TMTC1: variants seen among roughly 807,000 people sequenced by gnomAD.
TMTC1 encodes the protein protein O-mannosyl-transferase TMTC1.
In TMTC1, 73 loss-of-function variants were observed where a neutral mutation model predicts 104.8. That is an observed-to-expected ratio of 0.70 (90% CI 0.58 to 0.85). TMTC1 has a LOEUF of 0.85. Ranked by LOEUF, TMTC1 falls within the 40% of genes least tolerant of loss-of-function variation. TMTC1 has a pLI of 0.00. For missense variants in TMTC1, 1,035 were observed against 1,096.1 expected (o/e 0.94, Z 0.79); for synonymous variants, 434 against 428.7 (o/e 1.01, Z -0.15).
chr12:29,667,902 G>A (rs1940345521), intron 5 of TMTC1, among the ~76,000 whole-genome samples: 1 of 152,170 alleles, frequency 6.6e-6, no homozygotes, highest in Non-Finnish European at 1.5e-5. Context: ...TACTAGCCCT[G>A]TGAGTCCATA....
At chr12:29,546,856 T>C (rs1466684746) in intron 10 of TMTC1, among the ~76,000 whole-genome samples, 1 of 152,074 alleles carries the variant, frequency 6.6e-6, no homozygotes, top group East Asian at 1.9e-4. Context: ...CACCTGTGAA[T>C]AGCCACTGAA....
chr12:29,751,685 C>T lies in TMTC1; in HGVS notation c.919G>A (p.Ala307Thr), dbSNP rs1319587459. 1 of 1,614,128 alleles carries T rather than the reference C, an allele frequency of 6.2e-7. No individual in the cohort carries two copies. Among genetic ancestry groups the T allele is most frequent in the Non-Finnish European group, 8.5e-7 (1 of 1,180,030 alleles). Residue 307 changes from alanine to threonine, a missense_variant, in exon 5 of 18, where the codon GCT (alanine) becomes ACT (threonine). By Grantham distance (58) the Ala-to-Thr change is moderately conservative. Transcript: ENST00000539277. ...KSSGFPVSPR[A>T]VWSMMRFLTY... ...CAGTACCTCATCATGGACCACACAG[C>T]TCGTGGGGACACTGGGAATCCACTG...
At chr12:29,764,653 G>A (rs912523402) in intron 2 of TMTC1, among the ~76,000 whole-genome samples, 1 of 152,088 alleles carries the variant, frequency 6.6e-6, no homozygotes, top group African/African-American at 2.4e-5. Flanking sequence ...CATGTAAATT[G>A]TTTTGTAGGC....
chr12:29,540,557 T>A lies in TMTC1; in HGVS notation c.1677-4240A>T, dbSNP rs562151281. 1.1e-4 allele frequency among the ~76,000 whole-genome samples: 16 copies of A among 152,348 alleles called. No individual in the cohort carries two copies. In the South Asian group the frequency reaches 3.3e-3, roughly 32 times the overall value. ...ACTCGCTGAAATGTTATACAATTTA[T>A]CTGTGACCACCAGGTTTTAAGTTCC... On this transcript the variant is annotated intron_variant, in intron 10 of 17. Transcript: ENST00000539277.
intron 10 of TMTC1, among the ~76,000 whole-genome samples, chr12:29,547,539 T>C (rs944475323): frequency 2.0e-5 from 3 of 152,198 alleles, no homozygotes; most frequent in African/African-American, 4.8e-5. Context: ...CCACTGACCA[T>C]GAAATGATAA....
At chr12:29,634,193 GC>G (rs1295839342) in intron 5 of TMTC1, among the ~76,000 whole-genome samples, 1 of 152,074 alleles carries the variant, frequency 6.6e-6, no homozygotes, top group Non-Finnish European at 1.5e-5. Flanking sequence ...GTTACAACAT[GC>G]CCCCAACCTC....
intron 11 of TMTC1, among the ~76,000 whole-genome samples, chr12:29,528,695 G>C (rs1944415422): frequency 6.6e-6 from 1 of 152,094 alleles, no homozygotes; most frequent in Admixed American, 6.6e-5. Context: ...ATGGACATTG[G>C]CTTAATGCAG....
At chr12:29,689,533 T>TC (rs567002285) in intron 5 of TMTC1, among the ~76,000 whole-genome samples, 117 of 152,328 alleles carry the variant, frequency 7.7e-4, no homozygotes, top group African/African-American at 1.6e-3. Context: ...CAGGCTGGTC[T>TC]CGAACTCCCG....
intron 7 of TMTC1, among the ~76,000 whole-genome samples, chr12:29,602,437 C>T (rs1946593354): frequency 6.6e-6 from 1 of 152,188 alleles, no homozygotes; most frequent in Non-Finnish European, 1.5e-5. Flanking sequence ...GCACCTGGCC[C>T]TATAACGGTT....
At chr12:29,662,976 G>C (rs1565749912) in intron 5 of TMTC1, among the ~76,000 whole-genome samples, 1 of 152,324 alleles carries the variant, frequency 6.6e-6, no homozygotes, top group South Asian at 2.1e-4. Context: ...CCAACAGAGA[G>C]CTTGACAAGA....
rs555039568 is a variant in TMTC1, at chr12:29,612,860, G to A, written c.1129-8561C>T. On this transcript the variant is annotated intron_variant, in intron 6 of 17. Transcript: ENST00000539277. Reference sequence around the variant, plus strand: ...TATATCTGAGAGAGCTTGAGGGGTGGATAATAATCACTTTTGACATATGAA... The same window carrying A: ...TATATCTGAGAGAGCTTGAGGGGTGAATAATAATCACTTTTGACATATGAA... Among the ~76,000 whole-genome samples, 14 of 152,304 alleles carry A rather than the reference G, an allele frequency of 9.2e-5. No individual in the cohort carries two copies. The South Asian group carries it at 2.9e-3, about 32-fold the overall frequency.
At chr12:29,674,295 A>G (rs1329663803) in intron 5 of TMTC1, among the ~76,000 whole-genome samples, 1 of 137,086 alleles carries the variant, frequency 7.3e-6, no homozygotes, top group Non-Finnish European at 1.6e-5. Flanking sequence ...ATGAGATGAT[A>G]TATGCAAGTG....
intron 6 of TMTC1, among the ~76,000 whole-genome samples, chr12:29,615,111 A>G (rs1309731005): frequency 6.6e-6 from 1 of 152,352 alleles, no homozygotes; most frequent in African/African-American, 2.4e-5. Flanking sequence ...AACAGGGCCA[A>G]TTTGGCCATT....
At position 29,600,008 on chromosome 12, in the gene TMTC1, A is replaced by ATATATATATATATATT. The variant is rs59108744; in HGVS notation, c.1250+4169_1250+4170insAATATATATATATATA. Among the ~76,000 whole-genome samples the ATATATATATATATATT allele has an allele frequency of 1.6e-3, 193 of 118,648 alleles. 1 individual carries two copies. The highest frequency in any genetic ancestry group is 6.8e-3 in the African/African-American group (177 of 26,096). The allele number at this position is 118,648 out of a possible 152,430, so 77.8% of individuals were successfully genotyped here. Reference sequence around the variant, plus strand: ...TGTGTATATACATATATATATATATATTTTTTTTTTTTTTTCCCTCAAAAG... The same window carrying ATATATATATATATATT: ...TGTGTATATACATATATATATATATATATATATATATATATTTTTTTTTTTTTTTTTCCCTCAAAAG... On this transcript the variant is annotated intron_variant, in intron 7 of 17. Transcript: ENST00000539277.
In TMTC1 at chr12:29,763,005, G is replaced by C. The variant is rs375398037; in HGVS notation, c.481-4228C>G. Among the ~76,000 whole-genome samples the C allele has an allele frequency of 1.8e-3, 270 of 152,318 alleles. 10 individuals carry two copies. In the South Asian group the frequency reaches 0.054, roughly 30 times the overall value. On this transcript the variant is annotated intron_variant, in intron 2 of 17. Transcript: ENST00000539277. ...AGATAAGCCTAAGCATCTGGACCGA[G>C]AAGGGCACTCATCACAGCACAACTG...
chr12:29,725,656 T>C (rs1252520891), intron 5 of TMTC1, among the ~76,000 whole-genome samples: 2 of 152,194 alleles, frequency 1.3e-5, no homozygotes, highest in Non-Finnish European at 2.9e-5. Flanking sequence ...TTACTCCTGG[T>C]TCATAATTAA....
In TMTC1 at chr12:29,678,646, T is replaced by C. The variant is rs138822857; in HGVS notation, c.939-45310A>G. On this transcript the variant is annotated intron_variant, in intron 5 of 17. Transcript: ENST00000539277. ...CTGTGTGTGAGCCACTGTTCATGGC[T>C]ATGGTTATCTTAACTAGTGGAGATG... Among the ~76,000 whole-genome samples the C allele has an allele frequency of 8.3e-4, 126 of 152,292 alleles. 1 individual carries two copies. The highest frequency in any genetic ancestry group is 6.6e-3 in the East Asian group (34 of 5,176).
At chr12:29,614,756 A>C (rs1946934754) in intron 6 of TMTC1, among the ~76,000 whole-genome samples, 1 of 152,250 alleles carries the variant, frequency 6.6e-6, no homozygotes, top group Non-Finnish European at 1.5e-5. Flanking sequence ...GTAAGAACTT[A>C]ATCCAATAGT....
chr12:29,761,918 T>C (rs1943359717), intron 2 of TMTC1, among the ~76,000 whole-genome samples: 1 of 152,140 alleles, frequency 6.6e-6, no homozygotes. Flanking sequence ...CAGTGGCTCA[T>C]GTCACACCTG....
Sources: allele counts gnomAD v4.1 joint callset (sites outside exome capture counted in the v4.1 genomes callset), GRCh38; gene constraint gnomAD v4.1.1; transcripts MANE v1.5; gene names NCBI Gene and HGNC (gene_info 2026-07-23, HGNC 2026-07-21).